The following FAM81A variants were observed in gnomAD, a reference collection of about 807,000 sequenced individuals.
FAM81A encodes the protein family with sequence similarity 81 member A.
In FAM81A, 19 loss-of-function variants were observed where a neutral mutation model predicts 46.7. The observed-to-expected ratio is 0.41, with a 90% CI of 0.28 to 0.60. The LOEUF (loss-of-function observed/expected upper bound fraction) is 0.60, where lower values mean the gene tolerates loss of function less well. Ranked by LOEUF, FAM81A falls within the 20% of genes least tolerant of loss-of-function variation. FAM81A has a pLI of 0.34. For synonymous variants in FAM81A, 183 were observed against 152.9 expected (o/e 1.20, Z -1.45); for missense variants, 377 against 453.5 (o/e 0.83, Z 1.53).
chr15:59,474,601 C>G (rs2081742274), intron 3 of FAM81A, among the ~76,000 whole-genome samples: 1 of 152,106 alleles, frequency 6.6e-6, no homozygotes, highest in Admixed American at 6.5e-5. Flanking sequence ...GGATTAAGTT[C>G]AACATAATTT....
intron 3 of FAM81A, among the ~76,000 whole-genome samples, chr15:59,482,178 T>G (rs1475267152): frequency 2.6e-5 from 4 of 152,230 alleles, no homozygotes; most frequent in African/African-American, 4.8e-5. Context: ...CCTTTTTTTG[T>G]GAATTGCTTT....
At chr15:59,404,548 A>G (rs2081086067) in intron 2 of FAM81A, among the ~76,000 whole-genome samples, 1 of 151,898 alleles carries the variant, frequency 6.6e-6, no homozygotes, top group African/African-American at 2.4e-5. Flanking sequence ...GTAGCCTCCA[A>G]CTCCTGGGCT....
chr15:59,426,759 C>T (rs997826882), intron 2 of FAM81A, among the ~76,000 whole-genome samples: 4 of 152,350 alleles, frequency 2.6e-5, no homozygotes, highest in South Asian at 4.1e-4. Context: ...TTCTCCAACA[C>T]GCCTCGACAT....
At chr15:59,484,786 G>A (rs773545565) in intron 3 of FAM81A, among the ~76,000 whole-genome samples, 14 of 152,148 alleles carry the variant, frequency 9.2e-5, no homozygotes, top group Admixed American at 2.0e-4. Flanking sequence ...TACCAGCTTG[G>A]CCACAGTGGA....
At chr15:59,424,994 C>T (rs1391280814) in intron 2 of FAM81A, among the ~76,000 whole-genome samples, 8 of 152,182 alleles carry the variant, frequency 5.3e-5, no homozygotes, top group Non-Finnish European at 1.0e-4. Context: ...AACTTTCAAA[C>T]TTCAACATAC....
At chr15:59,458,946 G>A (rs943316509) in intron 2 of FAM81A, among the ~76,000 whole-genome samples, 63 of 152,216 alleles carry the variant, frequency 4.1e-4, no homozygotes, top group Admixed American at 1.4e-3. Flanking sequence ...GCAGATTAGG[G>A]GCCTATCGGC....
At chr15:59,439,280 C>G (rs1380669138) in intron 1 of FAM81A, among the ~76,000 whole-genome samples, 1 of 151,942 alleles carries the variant, frequency 6.6e-6, no homozygotes, top group Non-Finnish European at 1.5e-5. Context: ...TTGCAACTTG[C>G]TTTTAAAATA....
At chr15:59,477,703 G>T (rs1386871142) in intron 3 of FAM81A, among the ~76,000 whole-genome samples, 1 of 152,152 alleles carries the variant, frequency 6.6e-6, no homozygotes, top group African/African-American at 2.4e-5. Context: ...ATAATCAAGA[G>T]CTCTGGGTCT....
chr15:59,501,238 G>A (rs772262854), intron 4 of FAM81A, among the ~76,000 whole-genome samples: 3 of 152,112 alleles, frequency 2.0e-5, no homozygotes, highest in Non-Finnish European at 2.9e-5. Flanking sequence ...TGGGAAATGG[G>A]CACAATTATT....
intron 4 of FAM81A, among the ~76,000 whole-genome samples, chr15:59,502,525 G>GTGTGTT (rs1175306039): frequency 6.7e-6 from 1 of 148,914 alleles, no homozygotes; most frequent in African/African-American, 2.5e-5. Context: ...GTGTGTGTGT[G>GTGTGTT]TGTTTTGAGA....
chr15:59,452,505 C>A (rs537079302), intron 1 of FAM81A, among the ~76,000 whole-genome samples: 2 of 152,224 alleles, frequency 1.3e-5, no homozygotes, highest in East Asian at 3.9e-4. Context: ...AAATTAGCCA[C>A]GTATGGTGGT....
At chr15:59,520,503 T>C in intron 8 of FAM81A, among the ~76,000 whole-genome samples, 1 of 152,186 alleles carries the variant, frequency 6.6e-6, no homozygotes, top group Non-Finnish European at 1.5e-5. Flanking sequence ...TTGACCTTTT[T>C]AAAGAATACC....
intron 6 of FAM81A, among the ~76,000 whole-genome samples, chr15:59,513,464 C>G (rs1312541315): frequency 2.6e-5 from 4 of 152,176 alleles, no homozygotes; most frequent in African/African-American, 9.7e-5. Flanking sequence ...GCTGTGTCAC[C>G]TCAGTGCCTG....
At chr15:59,521,188 C>T in intron 8 of FAM81A, 66 bp from the exon 9 acceptor site, 2 of 1,552,784 alleles carry the variant, frequency 1.3e-6, no homozygotes, top group Non-Finnish European at 1.7e-6. Context: ...TTACTAGATA[C>T]TATAGAATTT....
chr15:59,498,727 C>T (rs915984774), intron 4 of FAM81A, among the ~76,000 whole-genome samples: 5 of 152,176 alleles, frequency 3.3e-5, no homozygotes, highest in Non-Finnish European at 5.9e-5. Flanking sequence ...GATCTTGGCT[C>T]ACTGCCCCCT....
chr15:59,504,953 T>C (rs1172988288), intron 4 of FAM81A, among the ~76,000 whole-genome samples: 3 of 152,214 alleles, frequency 2.0e-5, no homozygotes, highest in Non-Finnish European at 2.9e-5. Flanking sequence ...TCCCAGTTTG[T>C]AGTCATTGAA....
chr15:59,420,566 C>T (rs1249126246), intron 2 of FAM81A, among the ~76,000 whole-genome samples: 1 of 152,142 alleles, frequency 6.6e-6, no homozygotes, highest in Non-Finnish European at 1.5e-5. Flanking sequence ...GAGAATTTTT[C>T]CTTTCGTTTC....
At position 59,441,925 on chromosome 15, in the gene FAM81A, C is replaced by T. The variant is rs530610569; in HGVS notation, c.-78+3643C>T. Among the ~76,000 whole-genome samples the T allele has an allele frequency of 1.8e-4, 27 of 152,360 alleles. No individual in the cohort carries two copies. In the East Asian group the frequency reaches 2.1e-3, roughly 12 times the overall value. ...TAAAGAGCACTGGGCACTTTCCCCGCGCCTCACTGGGCGCCCTCGCCCACT... is the reference window on the plus strand; with the variant it reads ...TAAAGAGCACTGGGCACTTTCCCCGTGCCTCACTGGGCGCCCTCGCCCACT... On this transcript the variant is annotated intron_variant, in intron 1 of 8. Transcript: ENST00000288228.
At chr15:59,491,281 G>T (rs960643496) in intron 3 of FAM81A, among the ~76,000 whole-genome samples, 9 of 152,118 alleles carry the variant, frequency 5.9e-5, no homozygotes, top group Non-Finnish European at 1.3e-4. Flanking sequence ...AGAACGAGAG[G>T]TCATTATGTT....
Sources: allele counts gnomAD v4.1 joint callset (sites outside exome capture counted in the v4.1 genomes callset), GRCh38; gene constraint gnomAD v4.1.1; transcripts MANE v1.5; gene names NCBI Gene and HGNC (gene_info 2026-07-23, HGNC 2026-07-21).